The following KIAA1328 variants were observed in gnomAD, a reference collection of about 807,000 sequenced individuals.
KIAA1328 encodes the protein KIAA1328.
KIAA1328 carries 52 observed loss-of-function variants against 68.1 expected under a neutral mutation model. The observed-to-expected ratio is 0.76, with a 90% CI of 0.61 to 0.96. The LOEUF is 0.96. Ranked by LOEUF, KIAA1328 falls within the 40% of genes least tolerant of loss-of-function variation. KIAA1328 has a pLI of 0.00. For missense variants in KIAA1328, 641 were observed against 677.6 expected (o/e 0.95, Z 0.60); for synonymous variants, 232 against 239.4 (o/e 0.97, Z 0.28).
intron 6 of KIAA1328, among the ~76,000 whole-genome samples, chr18:37,047,703 A>G (rs1568334806): frequency 6.6e-6 from 1 of 152,178 alleles, no homozygotes; most frequent in African/African-American, 2.4e-5. Context: ...CTAAAGGCAA[A>G]ACTAATTCCC....
chr18:37,184,369 G>A (rs2059754574), intron 9 of KIAA1328, among the ~76,000 whole-genome samples: 1 of 152,198 alleles, frequency 6.6e-6, no homozygotes, highest in African/African-American at 2.4e-5. Flanking sequence ...GTGTCAACAT[G>A]TTGTTTGCAC....
rs1403469397 is a variant in KIAA1328, at chr18:36,877,578, C to T, written c.333-7979C>T. Among the ~76,000 whole-genome samples, 5 of 148,366 alleles carry T rather than the reference C, an allele frequency of 3.4e-5. No individual in the cohort carries two copies. In the South Asian group the frequency reaches 1.1e-3, roughly 32 times the overall value. On this transcript the variant is annotated intron_variant, in intron 4 of 9. Coordinates refer to ENST00000280020, the MANE Select transcript of KIAA1328 (RefSeq NM_020776.3). ...ATTCCTTCATCCCTTTATTTTGAGC[C>T]TATGTGTCTTTGCACATGAGATGGG...
chr18:37,140,718 G>A (rs948327051), intron 7 of KIAA1328, among the ~76,000 whole-genome samples: 3 of 152,112 alleles, frequency 2.0e-5, no homozygotes, highest in African/African-American at 7.2e-5. Flanking sequence ...TCTTGATATT[G>A]ATTATTTTTT....
intron 3 of KIAA1328, 108 bp downstream of exon 3, chr18:36,835,484 T>G (rs893605612): frequency 2.9e-6 from 3 of 1,046,744 alleles, no homozygotes; most frequent in Non-Finnish European, 4.1e-6. Context: ...CAACAAACAT[T>G]CTTAAAAGAT....
At chr18:37,117,263 A>G (rs2058136584) in intron 7 of KIAA1328, among the ~76,000 whole-genome samples, 1 of 152,198 alleles carries the variant, frequency 6.6e-6, no homozygotes, top group Admixed American at 6.5e-5. Flanking sequence ...TCAGTGATAG[A>G]CTGGATTAAG....
At position 37,224,888 on chromosome 18, in the gene KIAA1328, A is replaced by G. The variant is rs528512856; in HGVS notation, c.*2661A>G. 6.5e-4 allele frequency: 645 copies of G among 985,426 alleles called. 1 individual carries two copies. Among genetic ancestry groups the G allele is most frequent in the Non-Finnish European group, 7.4e-4 (616 of 829,900 alleles). The allele number at this position is 985,426 out of a possible 1,614,324, so 61.0% of individuals were successfully genotyped here. The stretch of plus-strand genomic sequence containing the variant: ...TTTACAAAATGGAAAAGGACACAGC[A>G]TGTCCTTTGAACTCCCTAAGTAAGG... On this transcript the variant is annotated 3_prime_UTR_variant, in exon 10 of 10. Transcript: ENST00000280020.
chr18:36,987,127 C>A (rs1381153838), intron 6 of KIAA1328, among the ~76,000 whole-genome samples: 1 of 26,270 alleles, frequency 3.8e-5, no homozygotes, highest in African/African-American at 1.0e-4. Flanking sequence ...AAATGTGGCA[C>A]ATATACACCA....
At chr18:36,928,505 T>G (rs2050201074) in intron 5 of KIAA1328, among the ~76,000 whole-genome samples, 1 of 152,172 alleles carries the variant, frequency 6.6e-6, no homozygotes, top group Non-Finnish European at 1.5e-5. Flanking sequence ...ACAATATCTG[T>G]TGTTGCTTTT....
intron 9 of KIAA1328, among the ~76,000 whole-genome samples, chr18:37,173,306 G>A (rs1391843730): frequency 6.6e-6 from 1 of 152,140 alleles, no homozygotes; most frequent in Non-Finnish European, 1.5e-5. Flanking sequence ...GGCTTCCATA[G>A]AAACCTAAAG....
intron 7 of KIAA1328, among the ~76,000 whole-genome samples, chr18:37,144,594 T>C (rs1237124361): frequency 6.6e-6 from 1 of 152,126 alleles, no homozygotes; most frequent in Non-Finnish European, 1.5e-5. Flanking sequence ...TGGAGTTCAG[T>C]GGTACAATCT....
chr18:37,031,305 T>C (rs1245215776), intron 6 of KIAA1328, among the ~76,000 whole-genome samples: 5 of 152,200 alleles, frequency 3.3e-5, no homozygotes, highest in Non-Finnish European at 7.3e-5. Flanking sequence ...GTGGGGTTTT[T>C]TTTCCTTTCC....
At chr18:36,832,314 C>T (rs558243546) in intron 1 of KIAA1328, among the ~76,000 whole-genome samples, 3 of 152,118 alleles carry the variant, frequency 2.0e-5, no homozygotes, top group African/African-American at 7.2e-5. Context: ...TGGCCGCTTG[C>T]GGTGGCTCAC....
rs562742729 is a variant in KIAA1328 at position 37,217,862 on chromosome 18, C to T, written c.1524-4155C>T. 2.2e-4 allele frequency among the ~76,000 whole-genome samples: 34 copies of T among 152,268 alleles called. 2 individuals carry two copies. The South Asian group carries it at 3.5e-3, about 16-fold the overall frequency. ...TCTCATATTTCTTGGAGGCTTTGTT[C>T]GTTTCTTTTTACTCTTTTTTCTCTA... On this transcript the variant is annotated intron_variant, in intron 9 of 9. Transcript: ENST00000280020.
At chr18:37,189,522 T>A (rs1024887101) in intron 9 of KIAA1328, among the ~76,000 whole-genome samples, 2 of 152,212 alleles carry the variant, frequency 1.3e-5, no homozygotes, top group African/African-American at 4.8e-5. Context: ...CTAAGAAATA[T>A]ATTCATGTAG....
intron 6 of KIAA1328, among the ~76,000 whole-genome samples, chr18:36,985,757 C>A (rs542677326): frequency 6.6e-6 from 1 of 152,106 alleles, no homozygotes. Flanking sequence ...CTATTAAACC[C>A]TCCAAAGAAA....
intron 7 of KIAA1328, among the ~76,000 whole-genome samples, chr18:37,130,408 A>C (rs1219945325): frequency 6.6e-6 from 1 of 152,196 alleles, no homozygotes; most frequent in African/African-American, 2.4e-5. Context: ...TCACGCGATC[A>C]AGAGATCAAG....
intron 6 of KIAA1328, among the ~76,000 whole-genome samples, chr18:36,986,179 C>A (rs1455091422): frequency 6.6e-6 from 1 of 151,292 alleles, no homozygotes. Context: ...TTTTTATAAC[C>A]TCAAATTAAA....
intron 7 of KIAA1328, among the ~76,000 whole-genome samples, chr18:37,141,906 ACAACT>A (rs2058773797): frequency 6.6e-6 from 1 of 152,210 alleles, no homozygotes; most frequent in Non-Finnish European, 1.5e-5. Flanking sequence ...AATTGGATAA[ACAACT>A]CAATTATTGA....
At chr18:37,195,066 T>A (rs1220628700) in intron 9 of KIAA1328, among the ~76,000 whole-genome samples, 1 of 152,228 alleles carries the variant, frequency 6.6e-6, no homozygotes, top group East Asian at 1.9e-4. Context: ...GTCACTGGGA[T>A]ATCCATTACC....
Sources: gnomAD v4.1 joint callset for allele counts (sites outside exome capture counted in the v4.1 genomes callset) on GRCh38, gnomAD v4.1.1 for gene constraint, MANE v1.5 for transcripts, NCBI Gene and HGNC (gene_info 2026-07-23, HGNC 2026-07-21) for gene names.